Variants in RAI14 observed in about 807,000 individuals in gnomAD.
RAI14 encodes the protein ankycorbin.
A neutral mutation model predicts 115.4 loss-of-function variants in RAI14; 45 were observed. That is an observed-to-expected ratio of 0.39 (90% CI 0.31 to 0.50). The LOEUF is 0.50. RAI14 is among the 20% of genes least tolerant of loss of function. The pLI is 0.85. For missense variants in RAI14, 939 were observed against 1,131.2 expected (o/e 0.83, Z 2.44); for synonymous variants, 371 against 415.4 (o/e 0.89, Z 1.30).
chr5:34,828,464 C>T (rs62355744), intron 16 of RAI14, among the ~76,000 whole-genome samples: 2 of 151,600 alleles, frequency 1.3e-5, no homozygotes, highest in Non-Finnish European at 2.9e-5. Context: ...GTAGAGGTTG[C>T]TGAAAGGTGG....
intron 2 of RAI14, among the ~76,000 whole-genome samples, chr5:34,746,112 T>G (rs376183873): frequency 0.012 from 1,395 of 112,524 alleles, 26 homozygotes; most frequent in Non-Finnish European, 0.017. Flanking sequence ...CCTTTTTTTT[T>G]TTTGTTTTTT....
chr5:34,688,181 T>G, intron 2 of RAI14: 3 of 1,549,252 alleles, frequency 1.9e-6, no homozygotes, highest in Non-Finnish European at 2.6e-6. Flanking sequence ...TCCTTCAACC[T>G]CATCGTCTGC....
rs1457349807 is a variant in RAI14 at position 34,822,986 on chromosome 5, C to T, written c.1144C>T (p.Leu382=). The part of the protein sequence containing the change: ...AKSPKEAEAD[L]SFDSYHSTQT... The stretch of plus-strand genomic sequence containing the variant: ...ATCACCCAAGGAGGCGGAAGCAGAC[C>T]TAAGCTTTGACTCATACCATTCCAC... The change falls in exon 15 of 18, where the codon CTA becomes TTA. Residue 382 remains leucine, a synonymous_variant. Coordinates refer to ENST00000265109, the MANE Select transcript of RAI14 (RefSeq NM_015577.3). The T allele has an allele frequency of 1.2e-6, 2 of 1,613,496 alleles. No individual in the cohort carries two copies. Among genetic ancestry groups the T allele is most frequent in the Middle Eastern group, 1.7e-4 (1 of 6,052 alleles).
chr5:34,705,577 C>T (rs1416544020), intron 2 of RAI14, among the ~76,000 whole-genome samples: 1 of 152,090 alleles, frequency 6.6e-6, no homozygotes, highest in Non-Finnish European at 1.5e-5. Flanking sequence ...CAGATGTGAG[C>T]CTTTATACCC....
Position 34,827,080 on chromosome 5 carries a change from T to C in RAI14, c.2799+601T>C, listed in dbSNP as rs921519798. Among the ~76,000 whole-genome samples, 2 of 152,202 alleles carry C rather than the reference T, an allele frequency of 1.3e-5. No individual in the cohort carries two copies. The highest frequency in any genetic ancestry group is 2.9e-5 in the Non-Finnish European group (2 of 68,042). On this transcript the variant is annotated intron_variant, in intron 16 of 17. Coordinates refer to ENST00000265109, the MANE Select transcript of RAI14 (RefSeq NM_015577.3). This position sits in a 1 kb window ranked among gnomAD's most constrained non-coding sequence, Gnocchi z 4.2. ...CAGGGCTGGTTCCTCCTCGAGACCA[T>C]AGGAGAAAATCAATTTCCTTGCCTT...
intron 2 of RAI14, among the ~76,000 whole-genome samples, chr5:34,747,032 C>G (rs1746344342): frequency 6.6e-6 from 1 of 152,212 alleles, no homozygotes; most frequent in South Asian, 2.1e-4. Flanking sequence ...GATTCTGAGG[C>G]CTCCCCAGCC....
chr5:34,823,597 T>C lies in RAI14; in HGVS notation c.1755T>C (p.Ser585=). ...AGGAAATGAAAAGTTCATATTGCTC[T>C]GTTATTGAGAATATGAATAAGGAGA... ...EYEEMKSSYC[S]VIENMNKEKA... The change falls in exon 15 of 18, where the codon TCT becomes TCC. Residue 585 remains serine (S), a synonymous_variant. Coordinates refer to ENST00000265109, the MANE Select transcript of RAI14 (RefSeq NM_015577.3). This position sits in a 1 kb window ranked among gnomAD's most constrained non-coding sequence, Gnocchi z 4.5. The C allele has an allele frequency of 1.2e-6, 2 of 1,614,228 alleles. No homozygotes were observed. Among genetic ancestry groups the C allele is most frequent in the Non-Finnish European group, 8.5e-7 (1 of 1,180,042 alleles).
chr5:34,721,717 A>C (rs965268535), intron 2 of RAI14, among the ~76,000 whole-genome samples: 4 of 151,078 alleles, frequency 2.6e-5, no homozygotes, highest in African/African-American at 9.7e-5. Context: ...TTGAACGGAC[A>C]CTTTTTTTTT....
intron 3 of RAI14, among the ~76,000 whole-genome samples, chr5:34,784,364 G>A (rs979074469): frequency 6.6e-6 from 1 of 152,180 alleles, no homozygotes; most frequent in Non-Finnish European, 1.5e-5. Flanking sequence ...TTATACTAGG[G>A]AGGATCCAAT....
At chr5:34,804,178 T>G (rs564094289) in intron 5 of RAI14, among the ~76,000 whole-genome samples, 20 of 152,338 alleles carry the variant, frequency 1.3e-4, no homozygotes, top group African/African-American at 4.6e-4. Flanking sequence ...AGAATGCAGC[T>G]CTTCTTTGAG....
intron 4 of RAI14, among the ~76,000 whole-genome samples, chr5:34,799,520 ACACACACACACAC>A (rs1280980968): frequency 2.6e-5 from 3 of 116,256 alleles, no homozygotes; most frequent in African/African-American, 8.7e-5. Context: ...ACACACACAC[ACACACACACACAC>A]ACACACAAAA....
intron 3 of RAI14, among the ~76,000 whole-genome samples, chr5:34,764,912 T>C (rs1749151420): frequency 1.3e-5 from 2 of 152,210 alleles, no homozygotes; most frequent in African/African-American, 2.4e-5. Flanking sequence ...AATTCCCATG[T>C]GTTGTGGGAG....
At position 34,814,631 on chromosome 5, in the gene RAI14, G is replaced by A. The variant is rs751237287; in HGVS notation, c.901G>A (p.Gly301Arg). 4.3e-6 allele frequency: 7 copies of A among 1,613,508 alleles called. No individual in the cohort carries two copies. In the East Asian group the frequency reaches 1.6e-4, roughly 36 times the overall value. Residue 301 changes from glycine (G) to arginine (R), a missense_variant, in exon 12 of 18, where the codon GGA becomes AGA. Transcript: ENST00000265109. ...ATCAATAACTTCGACTCCACTATCG[G>A]GAAAGGAATCGGTATTTTTTGCTGA... ...PRSITSTPLS[G>R]KESVFFAEPP...
rs964604251 is a variant in RAI14 at position 34,790,745 on chromosome 5, GGT to G, written c.168-5181_168-5180del. ...ATATAAGATGTATAGTGTGTATATG[GGT>G]GTGTGTGTGTGTATATATACATATA... On this transcript the variant is annotated intron_variant, in intron 3 of 17. Coordinates refer to ENST00000265109, the MANE Select transcript of RAI14 (RefSeq NM_015577.3). Among the ~76,000 whole-genome samples the G allele has an allele frequency of 9.8e-5, 14 of 142,232 alleles. No individual in the cohort carries two copies. In the East Asian group the frequency reaches 9.9e-4, roughly 10 times the overall value. The allele number at this position is 142,232 out of a possible 152,430, so 93.3% of individuals were successfully genotyped here.
At chr5:34,820,377 C>T (rs930981751) in intron 13 of RAI14, among the ~76,000 whole-genome samples, 2 of 152,060 alleles carry the variant, frequency 1.3e-5, no homozygotes, top group South Asian at 2.1e-4. Context: ...GTCAGGAGTT[C>T]GAGACCAGCC....
intron 1 of RAI14, among the ~76,000 whole-genome samples, chr5:34,673,238 C>G (rs1446007898): frequency 6.6e-6 from 1 of 152,172 alleles, no homozygotes; most frequent in Admixed American, 6.5e-5. Flanking sequence ...GAATTGCCAG[C>G]AAGGTCTCCT....
intron 1 of RAI14, among the ~76,000 whole-genome samples, chr5:34,674,060 G>T (rs957923177): frequency 6.6e-6 from 1 of 152,092 alleles, no homozygotes; most frequent in African/African-American, 2.4e-5. Context: ...TCAAGGAAAT[G>T]GGAGGCCTAC....
At chr5:34,692,451 G>C (rs995211303) in intron 2 of RAI14, among the ~76,000 whole-genome samples, 8 of 150,220 alleles carry the variant, frequency 5.3e-5, no homozygotes, top group Non-Finnish European at 1.2e-4. Flanking sequence ...AGTCTCTGGC[G>C]TGAACCTGGG....
In RAI14 at chr5:34,789,953, T is replaced by C. The variant is rs540198889; in HGVS notation, c.168-5986T>C. On this transcript the variant is annotated intron_variant, in intron 3 of 17. Transcript: ENST00000265109. ...TCCTGCTTCTTGTTATACTTTACCATCTGACTAGATGTTTTTGTCCCTCTT... is the reference window on the plus strand; with the variant it reads ...TCCTGCTTCTTGTTATACTTTACCACCTGACTAGATGTTTTTGTCCCTCTT... Among the ~76,000 whole-genome samples the C allele has an allele frequency of 3.3e-5, 5 of 152,360 alleles. 1 individual carries two copies. In the South Asian group the frequency reaches 1.0e-3, roughly 32 times the overall value.
Sources: allele counts gnomAD v4.1 joint callset (sites outside exome capture counted in the v4.1 genomes callset), GRCh38; gene constraint gnomAD v4.1.1; non-coding constraint Gnocchi (gnomAD v3.1); transcripts MANE v1.5; gene names NCBI Gene and HGNC (gene_info 2026-07-23, HGNC 2026-07-21).